Variants in ZFHX3 observed in about 807,000 individuals in gnomAD.
ZFHX3 encodes zinc finger homeobox protein 3.
In ZFHX3, 42 loss-of-function variants were observed where a neutral mutation model predicts 279.1. The ratio of observed to expected loss-of-function variants is 0.15; its 90% confidence interval spans 0.12 to 0.19. ZFHX3 has a LOEUF of 0.19. ZFHX3 is among the 10% of genes least tolerant of loss of function. The pLI, the probability that ZFHX3 is intolerant of heterozygous loss-of-function variation, is 1.00. For missense variants in ZFHX3, 4,981 were observed against 4,754.0 expected (o/e 1.05, Z -1.40); for synonymous variants, 2,293 against 1,957.8 (o/e 1.17, Z -4.52).
chr16:73,426,289 T>C (rs936450681), intron 3 of ZFHX3, among the ~76,000 whole-genome samples: 3 of 151,280 alleles, frequency 2.0e-5, no homozygotes, highest in African/African-American at 7.3e-5. Flanking sequence ...CTTTAGGAGG[T>C]TTTGTTTGTT....
At chr16:73,671,625 A>G (rs888463149) in intron 2 of ZFHX3, among the ~76,000 whole-genome samples, 1 of 152,212 alleles carries the variant, frequency 6.6e-6, no homozygotes, top group African/African-American at 2.4e-5. Context: ...GGGAGCTGGG[A>G]TTAGCATTTA....
chr16:73,787,852 T>TGTTTGTGTGAGAGAGAGAGAGAGAGA (rs766922630), intron 1 of ZFHX3, among the ~76,000 whole-genome samples: 1 of 132,366 alleles, frequency 7.6e-6, no homozygotes, highest in African/African-American at 2.8e-5. Context: ...TGTGTGTGTG[T>TGTTTGTGTGAGAGAGAGAGAGAGAGA]GAAAGAGAGA....
At chr16:72,913,304 C>G (rs1304981225) in intron 3 of ZFHX3, among the ~76,000 whole-genome samples, 2 of 152,212 alleles carry the variant, frequency 1.3e-5, no homozygotes, top group Non-Finnish European at 2.9e-5. Context: ...AGGATCCAAA[C>G]CATGTCCCTG....
intron 7 of ZFHX3, among the ~76,000 whole-genome samples, chr16:73,105,346 T>C (rs1353984948): frequency 8.0e-6 from 1 of 124,774 alleles, no homozygotes; most frequent in African/African-American, 3.6e-5. Context: ...CGTGTGTATA[T>C]ATATATACAC....
intron 1 of ZFHX3, among the ~76,000 whole-genome samples, chr16:73,777,508 C>CAAAAAAAAA (rs34744186): frequency 3.2e-5 from 2 of 62,646 alleles, no homozygotes; most frequent in East Asian, 6.4e-4. Context: ...GACTCTGTCT[C>CAAAAAAAAA]AAAAAAAAAA....
rs140772914 is a variant in ZFHX3, at chr16:72,987,352, G to A, written c.-49-27158C>T. Among the ~76,000 whole-genome samples, 245 of 152,286 alleles carry A rather than the reference G, an allele frequency of 1.6e-3. 3 individuals are homozygous for A. The East Asian group carries it at 0.037, about 23-fold the overall frequency. ...GGGACACCACTTTGAGAGCTGACAG[G>A]CCAAAGTAAGATGATGTGGAGGCTG... On this transcript the variant is annotated intron_variant, in intron 1 of 9. Transcript: ENST00000268489.
intron 3 of ZFHX3, among the ~76,000 whole-genome samples, chr16:72,901,088 T>C (rs74478445): frequency 1.2e-3 from 187 of 152,344 alleles, no homozygotes; most frequent in African/African-American, 4.0e-3. Flanking sequence ...AAAGTCAGAA[T>C]TGGCTCTATT....
At position 73,184,550 on chromosome 16, in the gene ZFHX3, C is replaced by T. The variant is rs114526286; in HGVS notation, c.-1103-40719G>A. 3.6e-3 allele frequency among the ~76,000 whole-genome samples: 551 copies of T among 152,216 alleles called. 7 individuals are homozygous for T. The highest frequency in any genetic ancestry group is 0.012 in the African/African-American group (510 of 41,526). ...GGCTCAGCCAGAGGGAAAGGCAGGT[C>T]GTGAGCCTGTGGGGCAGGTGGAGAG... On this transcript the variant is annotated intron_variant, in intron 5 of 17. Transcript: ENST00000641206.
chr16:73,476,097 G>A (rs1451188376), intron 2 of ZFHX3, among the ~76,000 whole-genome samples: 4 of 152,182 alleles, frequency 2.6e-5, no homozygotes, highest in African/African-American at 9.6e-5. Context: ...CTGTTATAGG[G>A]ATAACGTTCA....
intron 1 of ZFHX3, among the ~76,000 whole-genome samples, chr16:73,884,416 C>T (rs1476209537): frequency 1.3e-5 from 2 of 152,158 alleles, no homozygotes; most frequent in East Asian, 3.8e-4. Context: ...TTTAAGACAA[C>T]ATATCAAATA....
At chr16:73,395,107 T>G (rs990099627) in intron 3 of ZFHX3, among the ~76,000 whole-genome samples, 6 of 152,258 alleles carry the variant, frequency 3.9e-5, no homozygotes, top group East Asian at 1.9e-4. Context: ...CAGGGTAGTC[T>G]CTAGAGGGGA....
intron 1 of ZFHX3, among the ~76,000 whole-genome samples, chr16:73,031,228 T>C (rs1335403819): frequency 6.6e-6 from 1 of 152,220 alleles, no homozygotes; most frequent in Non-Finnish European, 1.5e-5. Context: ...TTAATCTTCG[T>C]TTGAAAATGT....
intron 2 of ZFHX3, among the ~76,000 whole-genome samples, chr16:73,536,597 C>T (rs879807265): frequency 1.8e-4 from 28 of 152,292 alleles, no homozygotes; most frequent in Admixed American, 3.9e-4. Context: ...ATCATATTTT[C>T]ATACACTTTC....
At chr16:72,982,739 T>C (rs561782971) in intron 1 of ZFHX3, among the ~76,000 whole-genome samples, 52 of 152,294 alleles carry the variant, frequency 3.4e-4, no homozygotes, top group African/African-American at 1.2e-3. Flanking sequence ...GCAAGGATCT[T>C]TGGCCCATAA....
chr16:73,706,934 G>T (rs982108482), intron 1 of ZFHX3, among the ~76,000 whole-genome samples: 1 of 151,862 alleles, frequency 6.6e-6, no homozygotes, highest in Non-Finnish European at 1.5e-5. Context: ...TCTCCTTTAG[G>T]GCCCTGGCAG....
chr16:73,235,139 G>A (rs1475831036), intron 5 of ZFHX3, among the ~76,000 whole-genome samples: 2 of 152,178 alleles, frequency 1.3e-5, no homozygotes, highest in Admixed American at 1.3e-4. Context: ...GTGCAATCTC[G>A]GCTCACTGCA....
chr16:73,776,250 G>C (rs1415877929), intron 1 of ZFHX3, among the ~76,000 whole-genome samples: 1 of 152,190 alleles, frequency 6.6e-6, no homozygotes, highest in Non-Finnish European at 1.5e-5. Flanking sequence ...TATGACTGAA[G>C]TGTGCAGGGC....
At chr16:73,358,106 G>A (rs1470193868) in intron 3 of ZFHX3, among the ~76,000 whole-genome samples, 1 of 152,190 alleles carries the variant, frequency 6.6e-6, no homozygotes, top group African/African-American at 2.4e-5. Flanking sequence ...TTCTGTATCT[G>A]TCAAGTGTCA....
At chr16:73,004,754 G>A (rs547304471) in intron 1 of ZFHX3, among the ~76,000 whole-genome samples, 1 of 152,148 alleles carries the variant, frequency 6.6e-6, no homozygotes, top group South Asian at 2.1e-4. Context: ...TTTTTTTTAA[G>A]TAGACTACAT....
Sources: gnomAD v4.1 joint callset for allele counts (sites outside exome capture counted in the v4.1 genomes callset) on GRCh38, gnomAD v4.1.1 for gene constraint, MANE v1.5 for transcripts, NCBI Gene and HGNC (gene_info 2026-07-23, HGNC 2026-07-21) for gene names.